Variants in TTC17 observed in about 807,000 individuals in gnomAD.
TTC17 encodes the protein tetratricopeptide repeat protein 17.
A neutral mutation model predicts 143.8 loss-of-function variants in TTC17; 58 were observed. The ratio of observed to expected loss-of-function variants is 0.40; its 90% CI spans 0.33 to 0.50. The LOEUF (loss-of-function observed/expected upper bound fraction) is 0.50. TTC17 is among the 20% of genes least tolerant of loss of function. The pLI is 0.49. For missense variants in TTC17, 1,273 were observed against 1,392.5 expected (o/e 0.91, Z 1.37); for synonymous variants, 501 against 497.8 (o/e 1.01, Z -0.09).
intron 2 of TTC17, 81 bp downstream of exon 2, chr11:43,379,403 C>T: frequency 7.6e-7 from 1 of 1,311,258 alleles, no homozygotes; most frequent in Non-Finnish European, 1.1e-6. Flanking sequence ...AAAGCTAAAG[C>T]ATATTATTTT....
At chr11:43,412,995 C>T (rs1314930522) in intron 15 of TTC17, among the ~76,000 whole-genome samples, 1 of 148,560 alleles carries the variant, frequency 6.7e-6, no homozygotes, top group Non-Finnish European at 1.5e-5. Context: ...CACACACACA[C>T]ACACACACAC....
intron 11 of TTC17, among the ~76,000 whole-genome samples, chr11:43,405,307 C>T (rs1177983036): frequency 2.6e-5 from 4 of 152,160 alleles, no homozygotes; most frequent in African/African-American, 9.6e-5. Context: ...TTATACCCGC[C>T]CAACCCTGAA....
intron 18 of TTC17, chr11:43,445,856 A>G: frequency 1.3e-6 from 1 of 747,790 alleles, no homozygotes; most frequent in South Asian, 1.5e-5. Flanking sequence ...AAAAATGGAG[A>G]TCATTAAGAG....
chr11:43,431,107 C>G (rs936852963), intron 16 of TTC17, among the ~76,000 whole-genome samples: 1 of 152,080 alleles, frequency 6.6e-6, no homozygotes, highest in African/African-American at 2.4e-5. Flanking sequence ...TGAACTCATC[C>G]TTTTTTATGG....
chr11:43,398,221 C>T (rs956645836), intron 8 of TTC17, 108 bp downstream of exon 8: 2 of 1,370,456 alleles, frequency 1.5e-6, no homozygotes, highest in African/African-American at 2.9e-5. Flanking sequence ...AAGAAAGAAA[C>T]CTCTTCACTA....
At chr11:43,366,678 A>G (rs1279671928) in intron 1 of TTC17, among the ~76,000 whole-genome samples, 2 of 152,182 alleles carry the variant, frequency 1.3e-5, no homozygotes, top group African/African-American at 4.8e-5. Flanking sequence ...GATATGGTCC[A>G]AACTCTTTCT....
chr11:43,470,018 A>T (rs1163064265), intron 21 of TTC17, among the ~76,000 whole-genome samples: 1 of 152,224 alleles, frequency 6.6e-6, no homozygotes, highest in East Asian at 1.9e-4. Flanking sequence ...AGACAGAGAA[A>T]TGAGGATGGC....
intron 18 of TTC17, chr11:43,446,613 A>G: frequency 4.2e-6 from 4 of 954,050 alleles, no homozygotes; most frequent in Non-Finnish European, 5.0e-6. Flanking sequence ...CTCTTCCAAA[A>G]CTGTTCCTTT....
At chr11:43,392,371 ACTAT>A (rs757142419) in intron 5 of TTC17, among the ~76,000 whole-genome samples, 1 of 152,198 alleles carries the variant, frequency 6.6e-6, no homozygotes, top group Non-Finnish European at 1.5e-5. Context: ...CTTTTAAGAG[ACTAT>A]CTACTTTAAA....
intron 21 of TTC17, chr11:43,468,326 G>C (rs1201563933): frequency 6.6e-6 from 1 of 152,192 alleles, no homozygotes; most frequent in East Asian, 1.9e-4. Context: ...TGGAACAAAA[G>C]AGAGAGGCCA....
intron 22 of TTC17, 45 bp downstream of exon 22, chr11:43,490,403 T>C: frequency 6.4e-7 from 1 of 1,556,888 alleles, no homozygotes; most frequent in South Asian, 1.2e-5. Context: ...CTTTGTCCTT[T>C]CCATTCCCCA....
chr11:43,422,104 A>G (rs373148135), intron 16 of TTC17, among the ~76,000 whole-genome samples: 63 of 152,324 alleles, frequency 4.1e-4, no homozygotes, highest in African/African-American at 1.4e-3. Context: ...ACAGGGAGAA[A>G]GTGAGAAATG....
At chr11:43,431,898 C>T (rs1438429702) in intron 16 of TTC17, among the ~76,000 whole-genome samples, 1 of 152,308 alleles carries the variant, frequency 6.6e-6, no homozygotes, top group African/African-American at 2.4e-5. Flanking sequence ...ACTTGTCTTG[C>T]GCCAGGCTGT....
At chr11:43,451,951 C>G (rs191518673) in intron 21 of TTC17, among the ~76,000 whole-genome samples, 1 of 152,190 alleles carries the variant, frequency 6.6e-6, no homozygotes, top group Admixed American at 6.5e-5. Context: ...ATGGAAAAAT[C>G]ATCAGCAGAC....
intron 21 of TTC17, among the ~76,000 whole-genome samples, chr11:43,485,699 T>C (rs11037450): frequency 0.043 from 6,466 of 151,954 alleles, 352 homozygotes; most frequent in East Asian, 0.28. Context: ...TGAGAAACAA[T>C]TCTCAATCTC....
chr11:43,431,700 A>T (rs1947162814), intron 16 of TTC17, among the ~76,000 whole-genome samples: 1 of 152,216 alleles, frequency 6.6e-6, no homozygotes, highest in Non-Finnish European at 1.5e-5. Context: ...AATGAAATGG[A>T]TATTATTATT....
At chr11:43,457,238 A>G (rs1384114071) in intron 21 of TTC17, among the ~76,000 whole-genome samples, 1 of 152,088 alleles carries the variant, frequency 6.6e-6, no homozygotes, top group African/African-American at 2.4e-5. Context: ...GAGGAACAGG[A>G]ATGACCCAGA....
intron 5 of TTC17, among the ~76,000 whole-genome samples, chr11:43,393,108 A>G (rs1480630157): frequency 6.6e-6 from 1 of 152,112 alleles, no homozygotes. Flanking sequence ...TTCTCACACG[A>G]CTAATTCGGT....
At chr11:43,399,455 A>G (rs998969936) in intron 8 of TTC17, among the ~76,000 whole-genome samples, 2 of 152,140 alleles carry the variant, frequency 1.3e-5, no homozygotes, top group African/African-American at 4.8e-5. Context: ...GGGAGGAATC[A>G]CTTGATGCCA....
Sources: gnomAD v4.1 joint callset for allele counts (sites outside exome capture counted in the v4.1 genomes callset) on GRCh38, gnomAD v4.1.1 for gene constraint, MANE v1.5 for transcripts, NCBI Gene and HGNC (gene_info 2026-07-23, HGNC 2026-07-21) for gene names.